The following MAGI2 variants were observed in gnomAD, a reference collection of about 807,000 sequenced individuals.
The protein encoded by MAGI2 is membrane-associated guanylate kinase, WW and PDZ domain-containing protein 2.
Under a neutral mutation model 133.3 loss-of-function variants are expected in MAGI2, and 35 were observed. The observed-to-expected ratio is 0.26, with a 90% CI of 0.20 to 0.35. The LOEUF is 0.35. Among genes scored for constraint, MAGI2 ranks in the 10% least tolerant of loss-of-function variants. The pLI is 1.00. For missense variants in MAGI2, 1,636 were observed against 1,863.4 expected, an observed-to-expected ratio of 0.88 and a Z score of 2.25; for synonymous variants, 729 against 710.6, an observed-to-expected ratio of 1.03 and a Z score of -0.41.
At chr7:79,239,666 A>G (rs1832230126) in intron 1 of MAGI2, among the ~76,000 whole-genome samples, 1 of 152,236 alleles carries the variant, frequency 6.6e-6, no homozygotes, top group Non-Finnish European at 1.5e-5. Context: ...CTCCTACTGG[A>G]CATAAACAAT....
intron 6 of MAGI2, among the ~76,000 whole-genome samples, chr7:78,436,072 G>T (rs1185010704): frequency 3.3e-5 from 5 of 152,132 alleles, no homozygotes; most frequent in Admixed American, 2.0e-4. Context: ...TCACACCCTG[G>T]AGGTTTCTTA....
chr7:78,751,523 T>C (rs1431941670), intron 2 of MAGI2, among the ~76,000 whole-genome samples: 1 of 152,246 alleles, frequency 6.6e-6, no homozygotes, highest in Non-Finnish European at 1.5e-5. Context: ...AATTACAATT[T>C]AATGCTTCCC....
chr7:78,112,689 A>C (rs75147715), intron 20 of MAGI2, among the ~76,000 whole-genome samples: 4,480 of 152,300 alleles, frequency 0.029, 105 homozygotes, highest in East Asian at 0.066. Context: ...GTATGCATTC[A>C]GCAGTCAATA....
At chr7:78,638,566 T>A (rs1809925859) in intron 2 of MAGI2, among the ~76,000 whole-genome samples, 1 of 152,176 alleles carries the variant, frequency 6.6e-6, no homozygotes, top group African/African-American at 2.4e-5. Flanking sequence ...CCCAATAAAA[T>A]CAGATTCCTT....
In MAGI2 at chr7:78,201,235, C is replaced by T. The variant is rs752915048; in HGVS notation, c.2048-42G>A. The T allele has an allele frequency of 3.8e-6, 4 of 1,050,002 alleles. No individual in the cohort carries two copies. The South Asian group carries it at 5.4e-5, about 14-fold the overall frequency. 65.0% of individuals were successfully genotyped at this position (1,050,002 alleles called of 1,614,324 possible). ...AATATTTGAACTTTGAAAATATTAC[C>T]GACTGCCACTTATGGGTGGCACGAT... On this transcript the variant is annotated intron_variant, in intron 10 of 21. Transcript: ENST00000354212.
intron 1 of MAGI2, among the ~76,000 whole-genome samples, chr7:79,277,270 C>CT (rs1835299905): frequency 6.6e-6 from 1 of 152,136 alleles, no homozygotes; most frequent in Admixed American, 6.5e-5. Context: ...TTATGACTTG[C>CT]TGAAGGCTTA....
chr7:79,023,651 A>G (rs1002402185), intron 1 of MAGI2, among the ~76,000 whole-genome samples: 3 of 152,136 alleles, frequency 2.0e-5, no homozygotes, highest in South Asian at 4.1e-4. Flanking sequence ...AGGATATACA[A>G]TCAATGTACA....
At chr7:78,649,222 T>TAA (rs1361378575) in intron 2 of MAGI2, among the ~76,000 whole-genome samples, 22 of 45,050 alleles carry the variant, frequency 4.9e-4, no homozygotes, top group South Asian at 8.6e-4. Context: ...TGACTTGTGG[T>TAA]AAAAAAAAAA....
At chr7:79,391,920 G>A (rs1003864693) in intron 1 of MAGI2, among the ~76,000 whole-genome samples, 4 of 151,890 alleles carry the variant, frequency 2.6e-5, no homozygotes, top group African/African-American at 9.7e-5. Flanking sequence ...TCCTGACCTC[G>A]TGATCTGCCC....
At chr7:78,462,627 A>G (rs1462582001) in intron 6 of MAGI2, among the ~76,000 whole-genome samples, 1 of 152,220 alleles carries the variant, frequency 6.6e-6, no homozygotes, top group Non-Finnish European at 1.5e-5. Context: ...ATCAATGAAC[A>G]TGGTTATTGC....
Position 78,757,280 on chromosome 7 carries a change from T to G in MAGI2, c.419-130041A>C, listed in dbSNP as rs562422564. Among the ~76,000 whole-genome samples the G allele has an allele frequency of 8.8e-5, 13 of 146,926 alleles. No homozygotes were observed. The South Asian group carries it at 2.7e-3, about 31-fold the overall frequency. Reference sequence around the variant, plus strand: ...TTAAAGACATTGAAATCTCCCCTCCTCCCTCCCTCCCTCCTTCTCCCTCCT... The same window carrying G: ...TTAAAGACATTGAAATCTCCCCTCCGCCCTCCCTCCCTCCTTCTCCCTCCT... On this transcript the variant is annotated intron_variant, in intron 2 of 21. Transcript: ENST00000354212.
At chr7:79,346,220 C>T (rs773140716) in intron 1 of MAGI2, among the ~76,000 whole-genome samples, 3 of 152,020 alleles carry the variant, frequency 2.0e-5, no homozygotes, top group Admixed American at 1.3e-4. Context: ...CTTCAGCTCA[C>T]TTCCTACTTA....
At chr7:79,091,457 AATT>A (rs1434420754) in intron 1 of MAGI2, among the ~76,000 whole-genome samples, 4 of 152,304 alleles carry the variant, frequency 2.6e-5, no homozygotes, top group African/African-American at 9.6e-5. Context: ...AACAATCAGG[AATT>A]ATTATACTGT....
chr7:79,395,001 T>C (rs566178197), intron 1 of MAGI2, among the ~76,000 whole-genome samples: 1 of 152,220 alleles, frequency 6.6e-6, no homozygotes, highest in South Asian at 2.1e-4. Flanking sequence ...AAATATGAAA[T>C]TCTGAGAAAA....
At chr7:79,353,419 C>T (rs1248252547) in intron 1 of MAGI2, 1 of 454,794 alleles carries the variant, frequency 2.2e-6, no homozygotes, top group East Asian at 7.0e-5. Flanking sequence ...TCAACAACTC[C>T]CAGAGCTTCC....
chr7:78,477,411 T>G (rs1791885765), intron 6 of MAGI2, among the ~76,000 whole-genome samples: 1 of 151,966 alleles, frequency 6.6e-6, no homozygotes, highest in Admixed American at 6.6e-5. Flanking sequence ...CCTGTAAGTT[T>G]AAGAATTTTA....
intron 2 of MAGI2, among the ~76,000 whole-genome samples, chr7:78,858,448 TG>T (rs1793851038): frequency 6.6e-6 from 1 of 152,242 alleles, no homozygotes. Flanking sequence ...TCTGGTATGT[TG>T]TGTCTTTGTT....
At chr7:78,298,808 ACGT>A (rs1797556532) in intron 9 of MAGI2, among the ~76,000 whole-genome samples, 2 of 134,276 alleles carry the variant, frequency 1.5e-5, no homozygotes, top group South Asian at 2.3e-4. Flanking sequence ...CCTGGCCTAA[ACGT>A]TTTTTTTTTT....
intron 2 of MAGI2, among the ~76,000 whole-genome samples, chr7:78,803,490 T>TA (rs200942700): frequency 8.6e-5 from 13 of 151,952 alleles, no homozygotes; most frequent in South Asian, 4.2e-4. Context: ...TTTATTTATT[T>TA]TTTTTTTTTG....
Sources: gnomAD v4.1 joint callset for allele counts (sites outside exome capture counted in the v4.1 genomes callset) on GRCh38, gnomAD v4.1.1 for gene constraint, MANE v1.5 for transcripts, NCBI Gene and HGNC (gene_info 2026-07-23, HGNC 2026-07-21) for gene names.